SLC38A12: variants seen among roughly 807,000 people sequenced by gnomAD.
SLC38A12 encodes putative sodium-coupled neutral amino acid transporter 12.
At chr17:74,809,601 G>A in the SLC38A12 span, among the ~76,000 whole-genome samples, 5 of 152,164 alleles carry the variant, frequency 3.3e-5, no homozygotes, top group East Asian at 1.9e-4. Flanking sequence ...AAGCTCTCAC[G>A]CAGCCCCTTC....
At chr17:74,792,981 C>T in the SLC38A12 span, among the ~76,000 whole-genome samples, 213 of 152,358 alleles carry the variant, frequency 1.4e-3, 1 homozygote, top group Middle Eastern at 6.8e-3. Context: ...GGAAGGAAGA[C>T]GCATGCTTTT....
chr17:74,811,581 C>T, the SLC38A12 span, among the ~76,000 whole-genome samples: 1 of 151,152 alleles, frequency 6.6e-6, no homozygotes, highest in African/African-American at 2.4e-5. Context: ...ATTAGCAAAG[C>T]GTGGTGGCAT....
chr17:74,835,380 C>T, the SLC38A12 span, among the ~76,000 whole-genome samples: 7 of 152,308 alleles, frequency 4.6e-5, no homozygotes, highest in South Asian at 8.3e-4. Flanking sequence ...TCCTGCCTGT[C>T]GGCCTCAGCT....
At chr17:74,783,105 G>A in the SLC38A12 span, among the ~76,000 whole-genome samples, 2 of 152,178 alleles carry the variant, frequency 1.3e-5, no homozygotes, top group African/African-American at 4.8e-5. Flanking sequence ...ACTCCAACTT[G>A]GGCAACAGAG....
the SLC38A12 span, among the ~76,000 whole-genome samples, chr17:74,826,418 C>G: frequency 6.6e-6 from 1 of 152,248 alleles, no homozygotes; most frequent in African/African-American, 2.4e-5. Flanking sequence ...GCACTCTCCT[C>G]TTCTCCCGGG....
chr17:74,815,755 C>T, the SLC38A12 span, among the ~76,000 whole-genome samples: 1 of 152,224 alleles, frequency 6.6e-6, no homozygotes, highest in East Asian at 1.9e-4. Context: ...AAGATCCATT[C>T]TCGGAAGTAG....
At chr17:74,782,327 C>G in the SLC38A12 span, among the ~76,000 whole-genome samples, 4 of 152,170 alleles carry the variant, frequency 2.6e-5, no homozygotes, top group South Asian at 4.1e-4. Context: ...CTCAGCCTCT[C>G]AAAGTGCTAG....
chr17:74,811,347 CAAACAAAAAAAT>C, the SLC38A12 span, among the ~76,000 whole-genome samples: 1 of 150,498 alleles, frequency 6.6e-6, no homozygotes, highest in Non-Finnish European at 1.5e-5. Flanking sequence ...CAAAAAAAAA[CAAACAAAAAAAT>C]GCATTTGGAC....
the SLC38A12 span, among the ~76,000 whole-genome samples, chr17:74,781,255 T>C: frequency 6.6e-6 from 1 of 152,222 alleles, no homozygotes; most frequent in African/African-American, 2.4e-5. Flanking sequence ...ATGCCTCTTA[T>C]ACTGTTTAGT....
At chr17:74,815,069 G>T in the SLC38A12 span, among the ~76,000 whole-genome samples, 2 of 152,040 alleles carry the variant, frequency 1.3e-5, no homozygotes, top group Non-Finnish European at 2.9e-5. Flanking sequence ...TTGAGGACGG[G>T]GTGTCAGAGA....
At chr17:74,828,673 C>G in the SLC38A12 span, among the ~76,000 whole-genome samples, 1 of 152,186 alleles carries the variant, frequency 6.6e-6, no homozygotes, top group Admixed American at 6.5e-5. Context: ...CAGTGCCTCC[C>G]TCACCAGATC....
chr17:74,812,752 T>C, the SLC38A12 span, among the ~76,000 whole-genome samples: 1 of 152,164 alleles, frequency 6.6e-6, no homozygotes, highest in Non-Finnish European at 1.5e-5. Context: ...GTAGCCCTAT[T>C]CAACCTTTCA....
the SLC38A12 span, among the ~76,000 whole-genome samples, chr17:74,798,878 T>C: frequency 0.011 from 1,732 of 151,816 alleles, 14 homozygotes; most frequent in Admixed American, 0.017. Flanking sequence ...CCGGCTTTGG[T>C]AGGCAACACA....
At chr17:74,818,449 TACA>T in the SLC38A12 span, among the ~76,000 whole-genome samples, 1 of 150,834 alleles carries the variant, frequency 6.6e-6, no homozygotes, top group Admixed American at 6.6e-5. Context: ...CACTCATCCT[TACA>T]GTGATAATGG....
the SLC38A12 span, among the ~76,000 whole-genome samples, chr17:74,815,748 A>G: frequency 2.0e-5 from 3 of 152,176 alleles, no homozygotes; most frequent in Non-Finnish European, 4.4e-5. Context: ...TGGTTTAAAG[A>G]TCCATTCTCG....
the SLC38A12 span, among the ~76,000 whole-genome samples, chr17:74,826,775 G>A: frequency 6.6e-6 from 1 of 152,180 alleles, no homozygotes; most frequent in African/African-American, 2.4e-5. Context: ...GTCTCCTTTA[G>A]CCCCTCCCAG....
At chr17:74,837,532 G>A in the SLC38A12 span, 2 of 985,456 alleles carry the variant, frequency 2.0e-6, no homozygotes, top group Non-Finnish European at 2.4e-6. Flanking sequence ...CACCTCAGCG[G>A]CTTGGCAGTG....
the SLC38A12 span, among the ~76,000 whole-genome samples, chr17:74,813,550 C>T: frequency 3.3e-5 from 5 of 152,056 alleles, no homozygotes; most frequent in Non-Finnish European, 7.4e-5. Flanking sequence ...AATGCAATGG[C>T]GCAATCTCAG....
the SLC38A12 span, among the ~76,000 whole-genome samples, chr17:74,802,995 GCCATGACCTTGAC>G: frequency 6.6e-6 from 1 of 152,090 alleles, no homozygotes; most frequent in Non-Finnish European, 1.5e-5. Context: ...ATGATCTGTT[GCCATGACCTTGAC>G]CCACACACAC....
Sources: allele counts gnomAD v4.1 joint callset (sites outside exome capture counted in the v4.1 genomes callset), GRCh38; gene constraint gnomAD v4.1.1; transcripts MANE v1.5; gene names NCBI Gene and HGNC (gene_info 2026-07-23, HGNC 2026-07-21).